HELLS: variants seen among roughly 807,000 people sequenced by gnomAD.
HELLS encodes lymphoid-specific helicase.
In HELLS, 32 loss-of-function variants were observed where a neutral mutation model predicts 120.0. The observed-to-expected ratio is 0.27, with a 90% CI of 0.20 to 0.36. HELLS has a LOEUF of 0.36. Among genes scored for constraint, HELLS ranks in the 10% least tolerant of loss-of-function variants. The pLI, the probability that HELLS is intolerant of heterozygous loss-of-function variation, is 1.00. For missense variants in HELLS, 650 were observed against 993.4 expected (o/e 0.65, Z 4.65); for synonymous variants, 341 against 323.4 (o/e 1.05, Z -0.58).
In HELLS at chr10:94,581,492, T is replaced by C. The variant is rs1844866338; in HGVS notation, c.1199T>C (p.Leu400Ser). ...GAACTTTGGTCATTGCTAAACTTTT[T>C]GTTGCCAGATGTATTTGATGACTTG... ...LSELWSLLNFLLPDVFDDLKS... is the reference protein window; with the variant it reads ...LSELWSLLNFSLPDVFDDLKS... The change falls in exon 11 of 22, where the codon TTG becomes TCG. Residue 400 changes from leucine (L) to serine (S), a missense_variant. Physicochemically the swap from Leu to Ser is moderately radical, Grantham distance 145 (BLOSUM62 -2). Around this residue, in one of 9 missense-constraint regions of HELLS, gnomAD observed 48 missense variants for 127.0 expected, o/e 0.38. Transcript: ENST00000348459. 6.2e-7 allele frequency: 1 copy of C among 1,608,996 alleles called. No individual in the cohort carries two copies. The highest frequency in any genetic ancestry group is 1.1e-5 in the South Asian group (1 of 89,488).
intron 2 of HELLS, chr10:94,551,143 A>C (rs575417394): frequency 4.7e-4 from 72 of 152,342 alleles, no homozygotes; most frequent in African/African-American, 1.7e-3. Context: ...TCAAGATATT[A>C]AGAATTATCT....
chr10:94,581,261 G>T lies in HELLS; in HGVS notation c.1033-65G>T. The T allele has an allele frequency of 3.0e-6, 3 of 993,916 alleles. No homozygotes were observed. The South Asian group carries it at 5.6e-5, about 18-fold the overall frequency. The allele number at this position is 993,916 out of a possible 1,614,324, so 61.6% of individuals were successfully genotyped here. A position where few individuals can be genotyped will look rare whatever the true frequency, so the allele number is the denominator to read the frequency against. ...CCTCATAATAGAGGTTTTATTTTTA[G>T]AATTCTTGTTAGAAAAATTGTGAGA... On this transcript the variant is annotated intron_variant, in intron 10 of 21. Coordinates refer to ENST00000348459, the MANE Select transcript of HELLS (RefSeq NM_018063.5).
At chr10:94,600,024 C>T (rs967585367) in intron 21 of HELLS, among the ~76,000 whole-genome samples, 1 of 152,224 alleles carries the variant, frequency 6.6e-6, no homozygotes, top group South Asian at 2.1e-4. Context: ...GGTGTGGTGG[C>T]TCATGCCTAT....
chr10:94,603,708 A>G (rs1846092149), downstream of HELLS, among the ~76,000 whole-genome samples: 1 of 152,236 alleles, frequency 6.6e-6, no homozygotes. Context: ...TTAGTTCAAT[A>G]AATGACAACT....
Position 94,552,882 on chromosome 10 carries a change from G to A in HELLS, c.154-1244G>A, listed in dbSNP as rs183242676. On this transcript the variant is annotated intron_variant, in intron 2 of 21. Coordinates refer to ENST00000348459, the MANE Select transcript of HELLS (RefSeq NM_018063.5). ...GAGTCCCAGCTACTTGGGAGGCTGA[G>A]GTGGGAGGGTGGTTTGAGCCCGGGA... 5.1e-3 allele frequency among the ~76,000 whole-genome samples: 781 copies of A among 152,272 alleles called. 2 individuals are homozygous for A. The highest frequency in any genetic ancestry group is 6.4e-3 in the Non-Finnish European group (438 of 68,026).
At chr10:94,607,058 C>T (rs1564624220), downstream of HELLS, among the ~76,000 whole-genome samples, 1 of 152,174 alleles carries the variant, frequency 6.6e-6, no homozygotes, top group African/African-American at 2.4e-5. Context: ...AAAATGTAGA[C>T]TTCCTCAGTT....
intron 19 of HELLS, among the ~76,000 whole-genome samples, chr10:94,596,446 A>G (rs1344089911): frequency 6.6e-6 from 1 of 152,028 alleles, no homozygotes; most frequent in East Asian, 1.9e-4. Context: ...TTTGTTGAAT[A>G]TATTTTTTCA....
chr10:94,566,021 T>A (rs1843779505), intron 6 of HELLS, among the ~76,000 whole-genome samples: 1 of 152,088 alleles, frequency 6.6e-6, no homozygotes, highest in Non-Finnish European at 1.5e-5. Flanking sequence ...CACTCCCCAG[T>A]AGCAGGGACT....
intron 10 of HELLS, among the ~76,000 whole-genome samples, chr10:94,580,803 T>C (rs1297022060): frequency 5.9e-5 from 9 of 152,152 alleles, no homozygotes; most frequent in Non-Finnish European, 1.3e-4. Flanking sequence ...ATTTTCCTGA[T>C]TAAGATATAT....
At position 94,545,968 on chromosome 10, in the gene HELLS, C is replaced by G; in HGVS notation, c.31+16C>G. 1 of 1,555,576 alleles carries G rather than the reference C, an allele frequency of 6.4e-7. No homozygotes were observed. Among genetic ancestry groups the G allele is most frequent in the Non-Finnish European group, 8.7e-7 (1 of 1,148,962 alleles). ...GGCAGCGGCGGTGAGTGAGGAAAACCTTTTGGGCGCGGGTGGCAGCCTGCG... is the reference window on the plus strand; with the variant it reads ...GGCAGCGGCGGTGAGTGAGGAAAACGTTTTGGGCGCGGGTGGCAGCCTGCG... On this transcript the variant is annotated intron_variant, in intron 1 of 21. Transcript: ENST00000348459.
intron 12 of HELLS, among the ~76,000 whole-genome samples, chr10:94,588,012 GT>G (rs1052547306): frequency 9.2e-5 from 14 of 152,068 alleles, no homozygotes; most frequent in Middle Eastern, 3.2e-3. Flanking sequence ...GATTCTTACA[GT>G]TTTTAAAAGA....
In HELLS at chr10:94,594,527, G is replaced by A. The variant is rs11188038; in HGVS notation, c.2089-168G>A. On this transcript the variant is annotated intron_variant, in intron 18 of 21. Transcript: ENST00000348459. ...TAAACTTTTTTGTTAATATTGTCAA[G>A]GATCTGTGGAATGATAATTTTGTCT... Among the ~76,000 whole-genome samples the A allele has an allele frequency of 0.38, 57,990 of 151,872 alleles. 11,480 individuals are homozygous for A. The highest frequency in any genetic ancestry group is 0.68 in the East Asian group (3,521 of 5,154).
At chr10:94,567,208 C>T (rs2134031976) in intron 6 of HELLS, among the ~76,000 whole-genome samples, 1 of 152,232 alleles carries the variant, frequency 6.6e-6, no homozygotes, top group African/African-American at 2.4e-5. Flanking sequence ...TGGGTCTTTG[C>T]CTTTCAATTA....
At chr10:94,579,762 C>T (rs1844727976) in intron 10 of HELLS, among the ~76,000 whole-genome samples, 1 of 151,984 alleles carries the variant, frequency 6.6e-6, no homozygotes, top group African/African-American at 2.4e-5. Context: ...ACTGTCTAGG[C>T]CTCCCAAAGT....
At position 94,573,976 on chromosome 10, in the gene HELLS, C is replaced by A. The variant is rs753484878; in HGVS notation, c.494C>A (p.Ser165Tyr). 1.9e-6 allele frequency: 3 copies of A among 1,604,582 alleles called. No homozygotes were observed. Among genetic ancestry groups the A allele is most frequent in the South Asian group, 2.2e-5 (2 of 90,710 alleles). ...KKENEDENSS[S>Y]TNLCVEDLQK... ...TCTCTACAGGATGAAAACTCCTCCT[C>A]TACTAATCTCTGTGTGGAAGATCTT... The change falls in exon 8 of 22, where the codon TCT becomes TAT. Residue 165 changes from serine (S) to tyrosine (Y), a missense_variant. Ser to Tyr is a moderately radical substitution (Grantham distance 144). This residue lies in a region of HELLS where 113 missense variants were observed against 120.7 expected (regional missense o/e 0.94). Coordinates refer to ENST00000348459, the MANE Select transcript of HELLS (RefSeq NM_018063.5).
Position 94,581,418 on chromosome 10 carries a change from T to C in HELLS, c.1125T>C (p.Ala375=), listed in dbSNP as rs1409853793. The C allele has an allele frequency of 1.2e-6, 2 of 1,612,750 alleles. No individual in the cohort carries two copies. Among genetic ancestry groups the C allele is most frequent in the Admixed American group, 3.3e-5 (2 of 59,950 alleles). The part of the protein sequence containing the change: ...RLIRELKRFN[A]DNKLLLTGTP... ...TCAGGGAGTTAAAACGATTCAATGC[T>C]GATAACAAACTTCTTTTGACTGGTA... is the stretch of plus-strand genomic sequence containing the variant. Residue 375 remains alanine (A), a synonymous_variant, in exon 11 of 22, where the codon GCT becomes GCC. Coordinates refer to ENST00000348459, the MANE Select transcript of HELLS (RefSeq NM_018063.5).
chr10:94,596,860 A>T lies in HELLS; in HGVS notation c.2249A>T (p.Asn750Ile), dbSNP rs776546865. The T allele has an allele frequency of 1.4e-6, 2 of 1,393,720 alleles. No homozygotes were observed. Among genetic ancestry groups the T allele is most frequent in the South Asian group, 1.2e-5 (1 of 82,004 alleles). 86.3% of individuals were successfully genotyped at this position (1,393,720 alleles called of 1,614,324 possible). The change falls in exon 20 of 22, where the codon AAT becomes ATT. Residue 750 changes from asparagine to isoleucine, a missense_variant and splice_region_variant. Transcript: ENST00000348459. Reference sequence around the variant, plus strand: ...GTTTTTAATTTCTCATTTTTTTTAGATCATTTCAAAGGTGGTCAGTCTGGA... The same window carrying T: ...GTTTTTAATTTCTCATTTTTTTTAGTTCATTTCAAAGGTGGTCAGTCTGGA... ...RKLEKLIIHK[N>I]HFKGGQSGLN...
At chr10:94,602,324 T>C (rs1846069297), downstream of HELLS, among the ~76,000 whole-genome samples, 1 of 152,160 alleles carries the variant, frequency 6.6e-6, no homozygotes, top group African/African-American at 2.4e-5. Context: ...TAGTGTATCA[T>C]GCAAAACAAG....
At chr10:94,607,701 C>T (rs535958393) in intron 8 of HELLS, among the ~76,000 whole-genome samples, 3 of 152,018 alleles carry the variant, frequency 2.0e-5, no homozygotes, top group Admixed American at 1.3e-4. Flanking sequence ...TTTTTTTAGT[C>T]TTAGCAATTT....
Sources: gnomAD v4.1 joint callset for allele counts (sites outside exome capture counted in the v4.1 genomes callset) on GRCh38, gnomAD v4.1.1 for gene constraint, gnomAD v4.1.1 regional missense constraint, MANE v1.5 for transcripts, NCBI Gene and HGNC (gene_info 2026-07-23, HGNC 2026-07-21) for gene names.